SACS: variants seen among roughly 807,000 people sequenced by gnomAD.
SACS encodes sacsin.
In SACS, 197 loss-of-function variants were observed where a neutral mutation model predicts 348.0. The observed-to-expected ratio is 0.57, with a 90% CI of 0.50 to 0.64. SACS has a LOEUF of 0.64. Ranked by LOEUF, SACS falls within the 30% of genes least tolerant of loss-of-function variation. SACS has a pLI of 0.00. For missense variants in SACS, 4,999 were observed against 5,360.8 expected, an observed-to-expected ratio of 0.93 and a Z score of 2.11; for synonymous variants, 1,985 against 1,910.6, an observed-to-expected ratio of 1.04 and a Z score of -1.02.
chr13:23,388,447 A>AT (rs1205351985), intron 2 of SACS, among the ~76,000 whole-genome samples: 1 of 146,240 alleles, frequency 6.8e-6, no homozygotes, highest in East Asian at 2.0e-4. Context: ...TGGTACATAT[A>AT]ATATAAAATA....
chr13:23,380,122 C>CGTGTGTGT lies in SACS; in HGVS notation c.21-4861_21-4854dup, dbSNP rs34243922. On this transcript the variant is annotated intron_variant, in intron 2 of 9. Coordinates refer to ENST00000382292, the MANE Select transcript of SACS (RefSeq NM_014363.6). ...CCCCACAGTGGCCCTGGGATTCCCTCGTGTGTGTGTGTGTGTGTGTGTGTG... is the reference window on the plus strand; with the variant it reads ...CCCCACAGTGGCCCTGGGATTCCCTCGTGTGTGTGTGTGTGTGTGTGTGTGTGTGTGTG... Among the ~76,000 whole-genome samples, 694 of 116,464 alleles carry CGTGTGTGT rather than the reference C, an allele frequency of 6.0e-3. 4 individuals are homozygous for CGTGTGTGT. Among genetic ancestry groups the CGTGTGTGT allele is most frequent in the Middle Eastern group, 0.012 (3 of 248 alleles). 76.4% of individuals were successfully genotyped at this position (116,464 alleles called of 152,430 possible). A position where few individuals can be genotyped will look rare whatever the true frequency, so the allele number is the denominator to read the frequency against.
Position 23,340,604 on chromosome 13 carries a change from C to G in SACS, c.3272G>C (p.Gly1091Ala). 2 of 1,612,902 alleles carry G rather than the reference C, an allele frequency of 1.2e-6. No homozygotes were observed. Among genetic ancestry groups the G allele is most frequent in the African/African-American group, 2.7e-5 (2 of 74,866 alleles). ...PDILHSLRQI[G>A]LKNEASLKEK... ...TTTGAGACTGGCTTCGTTTTTTAAA[C>G]CAATCTGTCTTAAGGAGTGAAGAAT... is the stretch of plus-strand genomic sequence containing the variant. The change falls in exon 10 of 10, where the codon GGT (glycine) becomes GCT (alanine). Residue 1091 changes from glycine (G) to alanine (A), a missense_variant. By Grantham distance (60) the Gly-to-Ala change is moderately conservative (BLOSUM62 0). Transcript: ENST00000382292.
At chr13:23,367,915 A>C (rs1871158475) in intron 5 of SACS, among the ~76,000 whole-genome samples, 1 of 152,232 alleles carries the variant, frequency 6.6e-6, no homozygotes, top group African/African-American at 2.4e-5. Flanking sequence ...GAGTATAATC[A>C]AACTAAAAAA....
chr13:23,385,928 C>T (rs973288965), intron 2 of SACS, among the ~76,000 whole-genome samples: 3 of 152,196 alleles, frequency 2.0e-5, no homozygotes, highest in Admixed American at 2.0e-4. Context: ...TGTCAATAAG[C>T]AGTAATATTT....
Position 23,394,868 on chromosome 13 carries a change from G to A in SACS, c.20+16352C>T, listed in dbSNP as rs184345459. On this transcript the variant is annotated intron_variant, in intron 2 of 9. Transcript: ENST00000382292. ...AGTCTCCCTCTCGAAAACAAACAAAGATTCGTCATTGGACTCCTGGACCTC... is the reference window on the plus strand; with the variant it reads ...AGTCTCCCTCTCGAAAACAAACAAAAATTCGTCATTGGACTCCTGGACCTC... 2.7e-3 allele frequency among the ~76,000 whole-genome samples: 413 copies of A among 152,202 alleles called. 1 individual carries two copies. Among genetic ancestry groups the A allele is most frequent in the Non-Finnish European group, 4.0e-3 (274 of 68,012 alleles).
rs1566062878 is a variant in SACS at position 23,335,408 on chromosome 13, C to T, written c.8468G>A (p.Arg2823Lys). The T allele has an allele frequency of 1.9e-6, 3 of 1,613,954 alleles. No individual in the cohort carries two copies. Among genetic ancestry groups the T allele is most frequent in the Non-Finnish European group, 2.5e-6 (3 of 1,179,900 alleles). Reference sequence around the variant, plus strand: ...TTTCTCCATACTTGAAAAGCCTGATCTATTACAAATTAGCCACGTAGTAAG... The same window carrying T: ...TTTCTCCATACTTGAAAAGCCTGATTTATTACAAATTAGCCACGTAGTAAG... ...GNLTTWLICN[R>K]SGFSSMEKVS... is the part of the protein sequence containing the mutation. Residue 2823 changes from arginine to lysine, a missense_variant, in exon 10 of 10, where the codon AGA (arginine) becomes AAA (lysine). Transcript: ENST00000382292. The surrounding 1 kb of genome is among the most constrained non-coding windows in gnomAD (Gnocchi z 4.7).
chr13:23,347,336 C>A (rs976289661), intron 9 of SACS, among the ~76,000 whole-genome samples: 1 of 152,072 alleles, frequency 6.6e-6, no homozygotes, highest in Non-Finnish European at 1.5e-5. Context: ...TGGTAACCAA[C>A]AATAATTACA....
At position 23,332,604 on chromosome 13, in the gene SACS, T is replaced by C. The variant is rs756926263; in HGVS notation, c.11272A>G (p.Ile3758Val). 6 of 1,613,562 alleles carry C rather than the reference T, an allele frequency of 3.7e-6. No homozygotes were observed. The Admixed American group carries it at 8.3e-5, about 22-fold the overall frequency. The change falls in exon 10 of 10, where the codon ATA (isoleucine) becomes GTA (valine). Residue 3758 changes from isoleucine (I) to valine (V), a missense_variant. Transcript: ENST00000382292. ...VINNCRNICN[I>V]TTLDEEMVKT... Reference sequence around the variant, plus strand: ...ACCATTTCTTCATCCAACGTCGTTATGTTGCATATGTTTCTGCAGTTATTG... The same window carrying C: ...ACCATTTCTTCATCCAACGTCGTTACGTTGCATATGTTTCTGCAGTTATTG...
At position 23,331,999 on chromosome 13, in the gene SACS, A is replaced by T; in HGVS notation, c.11877T>A (p.Thr3959=). The part of the protein sequence containing the change: ...CYLGKDHGFH[T]KLIMLFPQKL... The stretch of plus-strand genomic sequence containing the variant: ...TTTGAGGAAAGAGCATTATCAACTT[A>T]GTGTGAAATCCATGGTCTTTCCCTA... The change falls in exon 10 of 10, where the codon ACT becomes ACA. Residue 3959 remains threonine, a synonymous_variant. Coordinates refer to ENST00000382292, the MANE Select transcript of SACS (RefSeq NM_014363.6). 6.2e-7 allele frequency: 1 copy of T among 1,614,106 alleles called. No individual in the cohort carries two copies. The highest frequency in any genetic ancestry group is 8.5e-7 in the Non-Finnish European group (1 of 1,179,958).
chr13:23,375,132 C>G lies in SACS; in HGVS notation c.158G>C (p.Arg53Pro). 6.7e-7 allele frequency: 1 copy of G among 1,498,878 alleles called. No homozygotes were observed. The highest frequency in any genetic ancestry group is 8.9e-7 in the Non-Finnish European group (1 of 1,124,504). The allele number at this position is 1,498,878 out of a possible 1,614,324, so 92.8% of individuals were successfully genotyped here. A position where few individuals can be genotyped will look rare whatever the true frequency, so the allele number is the denominator to read the frequency against. ...GFPVSEQRLW[R>P]GGRELSDWIK... ...GCCACCGCCTACCTCGCGGCCGCCG[C>G]GCCACAGCCGCTGCTCCGACACCGG... Residue 53 changes from arginine to proline, a missense_variant, in exon 3 of 10, where the codon CGC becomes CCC. Arg to Pro is a moderately radical substitution (Grantham distance 103, BLOSUM62 -2). Transcript: ENST00000382292.
chr13:23,412,987 TG>T (rs1593179646), intron 1 of SACS, among the ~76,000 whole-genome samples: 1 of 152,236 alleles, frequency 6.6e-6, no homozygotes, highest in South Asian at 2.1e-4. Context: ...ACTTTTTTTT[TG>T]TTTTTTGAGA....
intron 2 of SACS, among the ~76,000 whole-genome samples, chr13:23,395,630 G>A (rs1262988819): frequency 6.6e-6 from 1 of 152,090 alleles, no homozygotes; most frequent in Non-Finnish European, 1.5e-5. Flanking sequence ...CACATCAGGA[G>A]CTCTCAAAGG....
At chr13:23,412,432 GAGAC>G (rs1873530445) in intron 1 of SACS, among the ~76,000 whole-genome samples, 3 of 121,840 alleles carry the variant, frequency 2.5e-5, no homozygotes, top group Non-Finnish European at 4.9e-5. Context: ...TTTTTTCTCT[GAGAC>G]AGAGCCTCCC....
intron 6 of SACS, among the ~76,000 whole-genome samples, chr13:23,362,580 C>T (rs777907438): frequency 3.1e-4 from 44 of 142,522 alleles, no homozygotes; most frequent in African/African-American, 8.1e-4. Flanking sequence ...ATAATACATT[C>T]CTTTTTTTTT....
At chr13:23,392,008 A>C (rs1352990062) in intron 2 of SACS, among the ~76,000 whole-genome samples, 1 of 152,194 alleles carries the variant, frequency 6.6e-6, no homozygotes, top group African/African-American at 2.4e-5. Flanking sequence ...AAGGGCTCAG[A>C]ATCACGCATG....
intron 2 of SACS, among the ~76,000 whole-genome samples, chr13:23,399,226 C>T (rs1420525445): frequency 6.6e-6 from 1 of 152,072 alleles, no homozygotes; most frequent in African/African-American, 2.4e-5. Context: ...CAAACTCCTC[C>T]CTGTCAGATA....
In SACS at chr13:23,334,087, T is replaced by G. The variant is rs917126581; in HGVS notation, c.9789A>C (p.Glu3263Asp). 1.2e-6 allele frequency: 2 copies of G among 1,613,790 alleles called. No homozygotes were observed. The highest frequency in any genetic ancestry group is 3.3e-5 in the Admixed American group (2 of 59,996). Residue 3263 changes from glutamate to aspartate, a missense_variant, in exon 10 of 10, where the codon GAA becomes GAC. Around this residue, in one of 6 missense-constraint regions of SACS, gnomAD observed 734 missense variants for 694.0 expected, o/e 1.06. Coordinates refer to ENST00000382292, the MANE Select transcript of SACS (RefSeq NM_014363.6). The stretch of plus-strand genomic sequence containing the variant: ...CAACAATGTCAAATGTTGGTTTTGT[T>G]TCTTCCTGATCTTCTTTCACACTTA... The part of the protein sequence containing the change: ...ESVSVKEDQE[E>D]TKPTFDIVVD...
intron 9 of SACS, among the ~76,000 whole-genome samples, chr13:23,343,115 T>G (rs948790967): frequency 6.6e-5 from 10 of 152,184 alleles, no homozygotes; most frequent in Admixed American, 4.6e-4. Flanking sequence ...CACTTTTGGA[T>G]GTCTGATAAA....
chr13:23,336,979 T>G lies in SACS; in HGVS notation c.6897A>C (p.Glu2299Asp). The change falls in exon 10 of 10, where the codon GAA becomes GAC. Residue 2299 changes from glutamate to aspartate, a missense_variant. Coordinates refer to ENST00000382292, the MANE Select transcript of SACS (RefSeq NM_014363.6). Reference sequence around the variant, plus strand: ...TTCCATCATCAACTGATTTTGCTACTTCTTTCAATTGGTTTATAACCAGAT... The same window carrying G: ...TTCCATCATCAACTGATTTTGCTACGTCTTTCAATTGGTTTATAACCAGAT... The part of the protein sequence containing the change: ...TVDLVINQLK[E>D]VAKSVDDGIT... The G allele has an allele frequency of 2.5e-6, 4 of 1,614,026 alleles. No homozygotes were observed. The highest frequency in any genetic ancestry group is 3.4e-6 in the Non-Finnish European group (4 of 1,179,902).
Sources: allele counts gnomAD v4.1 joint callset (sites outside exome capture counted in the v4.1 genomes callset), GRCh38; gene constraint gnomAD v4.1.1; regional missense constraint gnomAD v4.1.1; non-coding constraint Gnocchi (gnomAD v3.1); transcripts MANE v1.5; gene names NCBI Gene and HGNC (gene_info 2026-07-23, HGNC 2026-07-21).